The following RNF150 variants were observed in gnomAD, a reference collection of about 807,000 sequenced individuals.
RNF150 encodes ring finger protein 150.
In RNF150, 24 loss-of-function variants were observed where a neutral mutation model predicts 39.3. That is an observed-to-expected ratio of 0.61 (90% CI 0.44 to 0.86). The LOEUF is 0.86. RNF150 is among the 40% of genes least tolerant of loss of function. The probability of loss-of-function intolerance (pLI) is 0.00; values close to 1 mark genes in which losing one functional copy is unlikely to be tolerated. For missense variants in RNF150, 502 were observed against 587.8 expected (o/e 0.85, Z 1.51); for synonymous variants, 255 against 227.3 (o/e 1.12, Z -1.10).
At chr4:140,957,514 C>A (rs990811044) in intron 2 of RNF150, among the ~76,000 whole-genome samples, 7 of 152,174 alleles carry the variant, frequency 4.6e-5, no homozygotes, top group Admixed American at 2.0e-4. Flanking sequence ...GGATCTAGAA[C>A]TAGAAATACC....
chr4:140,895,873 G>A (rs1374874679), intron 6 of RNF150, among the ~76,000 whole-genome samples: 5 of 150,402 alleles, frequency 3.3e-5, no homozygotes, highest in African/African-American at 1.0e-4. Flanking sequence ...TTTTTTCTGC[G>A]AAGGACATGA....
chr4:141,017,079 A>G (rs1735305040), intron 1 of RNF150, among the ~76,000 whole-genome samples: 1 of 152,098 alleles, frequency 6.6e-6, no homozygotes, highest in Admixed American at 6.6e-5. Context: ...CCCTGCTTGG[A>G]AAACTCTAAG....
At chr4:140,922,475 C>T (rs1731197714) in intron 5 of RNF150, among the ~76,000 whole-genome samples, 1 of 151,550 alleles carries the variant, frequency 6.6e-6, no homozygotes, top group Admixed American at 6.6e-5. Flanking sequence ...AAAGAGGATA[C>T]AAAGAAATGG....
intron 1 of RNF150, among the ~76,000 whole-genome samples, chr4:141,115,877 A>C (rs1252578099): frequency 1.3e-5 from 2 of 152,226 alleles, no homozygotes; most frequent in Non-Finnish European, 2.9e-5. Flanking sequence ...ATCTGACAAA[A>C]ACACACAATG....
chr4:141,023,005 A>T (rs1005836337), intron 1 of RNF150, among the ~76,000 whole-genome samples: 1 of 152,174 alleles, frequency 6.6e-6, no homozygotes, highest in East Asian at 1.9e-4. Flanking sequence ...GTAGATAAAG[A>T]ATGAGAAATG....
intron 1 of RNF150, among the ~76,000 whole-genome samples, chr4:140,986,603 T>C (rs934014128): frequency 1.3e-5 from 2 of 152,062 alleles, no homozygotes; most frequent in Non-Finnish European, 2.9e-5. Flanking sequence ...ATTTTAGACA[T>C]TTTCTACTGC....
chr4:140,935,397 G>C (rs1731824419), intron 4 of RNF150, among the ~76,000 whole-genome samples: 1 of 151,856 alleles, frequency 6.6e-6, no homozygotes, highest in Non-Finnish European at 1.5e-5. Context: ...CGTTTGGCTG[G>C]GGCAGCAAAG....
chr4:141,196,299 C>T (rs1485304193), intron 1 of RNF150, among the ~76,000 whole-genome samples: 1 of 152,082 alleles, frequency 6.6e-6, no homozygotes, highest in Non-Finnish European at 1.5e-5. Flanking sequence ...AACTGTTGGT[C>T]CAGTTTTCCT....
At position 140,910,557 on chromosome 4, in the gene RNF150, C is replaced by T. The variant is rs541839840; in HGVS notation, c.1198+587G>A. ...CCAGAAGGTATTTTAGTATTCAGGGCCACTGTGCACAGGGGTTTAGTGTCT... is the reference window on the plus strand; with the variant it reads ...CCAGAAGGTATTTTAGTATTCAGGGTCACTGTGCACAGGGGTTTAGTGTCT... On this transcript the variant is annotated intron_variant, in intron 6 of 6. Transcript: ENST00000515673. Among the ~76,000 whole-genome samples, 16 of 152,220 alleles carry T rather than the reference C, an allele frequency of 1.1e-4. No individual in the cohort carries two copies. The East Asian group carries it at 2.1e-3, about 20-fold the overall frequency.
In RNF150 at chr4:141,132,307, G is replaced by A; in HGVS notation, c.484+18C>T. Reference sequence around the variant, plus strand: ...GTCCCCGCCGGCTCCCCTCCCCCGCGCCCGCTGGGCCACTCACCCGCGTGG... The same window carrying A: ...GTCCCCGCCGGCTCCCCTCCCCCGCACCCGCTGGGCCACTCACCCGCGTGG... On this transcript the variant is annotated intron_variant, in intron 1 of 6. Transcript: ENST00000515673. This position sits in a 1 kb window ranked among gnomAD's most constrained non-coding sequence, Gnocchi z 4.9. 1 of 1,560,568 alleles carries A rather than the reference G, an allele frequency of 6.4e-7. No individual in the cohort carries two copies. The highest frequency in any genetic ancestry group is 8.7e-7 in the Non-Finnish European group (1 of 1,152,026).
chr4:141,149,350 C>T (rs1051530652), intron 1 of RNF150, among the ~76,000 whole-genome samples: 5 of 150,302 alleles, frequency 3.3e-5, no homozygotes, highest in African/African-American at 9.8e-5. Context: ...AGCAGTGTAC[C>T]CTATACCCAA....
chr4:141,149,922 C>A (rs933256228), intron 1 of RNF150, among the ~76,000 whole-genome samples: 5 of 152,124 alleles, frequency 3.3e-5, no homozygotes, highest in African/African-American at 1.2e-4. Context: ...TTTATTATGG[C>A]CATTCTTGCA....
At chr4:141,140,078 AG>A (rs1727093400) in intron 1 of RNF150, among the ~76,000 whole-genome samples, 2 of 152,170 alleles carry the variant, frequency 1.3e-5, no homozygotes, top group African/African-American at 4.8e-5. Flanking sequence ...TGTACGGGCA[AG>A]GTATATGAAC....
chr4:140,982,137 T>C (rs948251550), intron 1 of RNF150, among the ~76,000 whole-genome samples: 1 of 152,196 alleles, frequency 6.6e-6, no homozygotes, highest in Non-Finnish European at 1.5e-5. Flanking sequence ...GCCTCACCAA[T>C]GGCAAAATCT....
intron 4 of RNF150, among the ~76,000 whole-genome samples, chr4:140,942,181 A>C (rs971514151): frequency 3.3e-5 from 5 of 152,176 alleles, no homozygotes; most frequent in Admixed American, 6.5e-5. Flanking sequence ...AAACCAAAAA[A>C]CAAAAAACAA....
chr4:141,117,509 T>C (rs1726449080), intron 1 of RNF150, among the ~76,000 whole-genome samples: 1 of 152,210 alleles, frequency 6.6e-6, no homozygotes, highest in Non-Finnish European at 1.5e-5. Context: ...GACTGTACCA[T>C]CTAGATTTGT....
At chr4:141,142,954 C>T (rs1010443594) in intron 1 of RNF150, among the ~76,000 whole-genome samples, 4 of 151,964 alleles carry the variant, frequency 2.6e-5, no homozygotes, top group Admixed American at 2.6e-4. Flanking sequence ...ACTGCAACCT[C>T]CACCTCCCAG....
intron 5 of RNF150, among the ~76,000 whole-genome samples, chr4:140,917,258 A>T (rs1358410660): frequency 6.6e-6 from 1 of 152,236 alleles, no homozygotes; most frequent in African/African-American, 2.4e-5. Flanking sequence ...AAATTGGATG[A>T]GTCAAGACCC....
At chr4:141,092,355 G>A (rs140208456) in intron 1 of RNF150, among the ~76,000 whole-genome samples, 3 of 149,272 alleles carry the variant, frequency 2.0e-5, no homozygotes, top group African/African-American at 7.4e-5. Context: ...AAAAAAAAAA[G>A]GAAAAAACTC....
Sources: gnomAD v4.1 joint callset for allele counts (sites outside exome capture counted in the v4.1 genomes callset) on GRCh38, gnomAD v4.1.1 for gene constraint, Gnocchi (gnomAD v3.1) non-coding constraint, MANE v1.5 for transcripts, NCBI Gene and HGNC (gene_info 2026-07-23, HGNC 2026-07-21) for gene names.